NSG2: variants seen among roughly 807,000 people sequenced by gnomAD.
NSG2 encodes the protein neuronal vesicle trafficking associated 2.
A neutral mutation model predicts 16.9 loss-of-function variants in NSG2; 4 were observed. The observed-to-expected ratio is 0.24, with a 90% CI of 0.12 to 0.54. The LOEUF (loss-of-function observed/expected upper bound fraction) is 0.54, where lower values mean the gene tolerates loss of function less well. Ranked by LOEUF, NSG2 falls within the 20% of genes least tolerant of loss-of-function variation. NSG2 has a pLI of 0.95. For synonymous variants in NSG2, 98 were observed against 88.7 expected (o/e 1.11, Z -0.59); for missense variants, 179 against 221.1 (o/e 0.81, Z 1.21).
chr5:174,062,898 C>T (rs775285360), intron 2 of NSG2, among the ~76,000 whole-genome samples: 14 of 152,196 alleles, frequency 9.2e-5, no homozygotes, highest in Admixed American at 6.5e-5. Context: ...GGTTGGTGGG[C>T]GTTTTCAGTG....
At chr5:174,096,739 T>C (rs1351886738) in intron 3 of NSG2, among the ~76,000 whole-genome samples, 1 of 151,772 alleles carries the variant, frequency 6.6e-6, no homozygotes, top group Non-Finnish European at 1.5e-5. Context: ...GGGAGATAAA[T>C]AAGCTGTGTC....
At chr5:174,092,853 T>C in intron 3 of NSG2, among the ~76,000 whole-genome samples, 1 of 152,020 alleles carries the variant, frequency 6.6e-6, no homozygotes, top group East Asian at 1.9e-4. Context: ...CCACAGTGTG[T>C]AAAATGGGAT....
chr5:174,049,749 C>T (rs375760052), intron 2 of NSG2, among the ~76,000 whole-genome samples: 2 of 152,208 alleles, frequency 1.3e-5, no homozygotes, highest in African/African-American at 4.8e-5. Context: ...CCATTCCCCT[C>T]TCTTAGGTCT....
chr5:174,078,387 C>G (rs1044175417), intron 3 of NSG2, among the ~76,000 whole-genome samples: 2 of 152,154 alleles, frequency 1.3e-5, no homozygotes, highest in Admixed American at 1.3e-4. Flanking sequence ...GCTTCTTTCT[C>G]TTAATAATAT....
At chr5:174,070,317 C>A (rs1429737499) in intron 3 of NSG2, among the ~76,000 whole-genome samples, 1 of 151,960 alleles carries the variant, frequency 6.6e-6, no homozygotes, top group African/African-American at 2.4e-5. Flanking sequence ...TTTTATTATC[C>A]CCATTTTACA....
At chr5:174,104,106 C>T in intron 3 of NSG2, 122 bp from the exon 4 acceptor site, 1 of 689,872 alleles carries the variant, frequency 1.4e-6, no homozygotes, top group South Asian at 1.8e-5. Flanking sequence ...GAGCCAGTTC[C>T]TTGGGCCTGT....
In NSG2 at chr5:174,056,380, C is replaced by T. The variant is rs547218648; in HGVS notation, c.130-7852C>T. 2.0e-5 allele frequency: 3 copies of T among 152,310 alleles called. No homozygotes were observed. The South Asian group carries it at 6.2e-4, about 32-fold the overall frequency. 9.4% of individuals were successfully genotyped at this position (152,310 alleles called of 1,614,324 possible). On this transcript the variant is annotated intron_variant, in intron 2 of 4. Transcript: ENST00000303177. Reference sequence around the variant, plus strand: ...CATAGTGGGTACCTTTACAAAAAACCCAAAACCATGATCAATAGGAAAGAG... The same window carrying T: ...CATAGTGGGTACCTTTACAAAAAACTCAAAACCATGATCAATAGGAAAGAG...
intron 3 of NSG2, among the ~76,000 whole-genome samples, chr5:174,090,403 C>T (rs1412783884): frequency 6.6e-6 from 1 of 152,142 alleles, no homozygotes; most frequent in African/African-American, 2.4e-5. Context: ...CCAGGGTTTT[C>T]ACTGGGGGCT....
chr5:174,065,833 G>A (rs2113437112), intron 3 of NSG2, among the ~76,000 whole-genome samples: 1 of 152,324 alleles, frequency 6.6e-6, no homozygotes, highest in Non-Finnish European at 1.5e-5. Context: ...GAGTCACTAA[G>A]CCTCACTTAT....
intron 2 of NSG2, among the ~76,000 whole-genome samples, chr5:174,050,546 T>G (rs1277136327): frequency 6.6e-6 from 1 of 151,862 alleles, no homozygotes; most frequent in Non-Finnish European, 1.5e-5. Flanking sequence ...AGATGAAGAG[T>G]GGAAGGGCTA....
At chr5:174,063,392 A>G (rs545816604) in intron 2 of NSG2, among the ~76,000 whole-genome samples, 3 of 152,322 alleles carry the variant, frequency 2.0e-5, no homozygotes, top group Non-Finnish European at 4.4e-5. Context: ...AAATATTCAG[A>G]CTTTAGAAAA....
intron 3 of NSG2, among the ~76,000 whole-genome samples, chr5:174,093,272 G>T (rs1368683470): frequency 2.6e-5 from 4 of 152,146 alleles, no homozygotes; most frequent in Non-Finnish European, 5.9e-5. Flanking sequence ...TTAACTAAAG[G>T]CATTCCCGGG....
At chr5:174,089,982 A>G (rs1310067149) in intron 3 of NSG2, among the ~76,000 whole-genome samples, 1 of 152,182 alleles carries the variant, frequency 6.6e-6, no homozygotes, top group Non-Finnish European at 1.5e-5. Flanking sequence ...AAAGGGCTGG[A>G]ACCTGGTGCC....
chr5:174,074,246 A>G (rs1341174205), intron 3 of NSG2, among the ~76,000 whole-genome samples: 1 of 152,230 alleles, frequency 6.6e-6, no homozygotes, highest in African/African-American at 2.4e-5. Context: ...AGGCTCCATC[A>G]TAGACCTAGT....
intron 2 of NSG2, among the ~76,000 whole-genome samples, chr5:174,051,111 TC>T (rs1461859680): frequency 1.3e-5 from 2 of 152,122 alleles, no homozygotes; most frequent in Non-Finnish European, 2.9e-5. Context: ...CGATTCTCTC[TC>T]CCTGGGGGGC....
At chr5:174,074,451 C>T (rs564883307) in intron 3 of NSG2, among the ~76,000 whole-genome samples, 17 of 152,224 alleles carry the variant, frequency 1.1e-4, no homozygotes, top group African/African-American at 2.9e-4. Context: ...TCCCAGGTGA[C>T]GCTGCCGTAG....
At chr5:174,067,887 T>C (rs962220481) in intron 3 of NSG2, among the ~76,000 whole-genome samples, 1 of 152,004 alleles carries the variant, frequency 6.6e-6, no homozygotes, top group African/African-American at 2.4e-5. Context: ...CTTGTCTACC[T>C]GCCACTGAGG....
chr5:174,090,684 CTGTG>C (rs1760707530), intron 3 of NSG2, among the ~76,000 whole-genome samples: 1 of 152,120 alleles, frequency 6.6e-6, no homozygotes, highest in Non-Finnish European at 1.5e-5. Context: ...TAAGGTGTGT[CTGTG>C]TGTATTTGTT....
intron 2 of NSG2, among the ~76,000 whole-genome samples, chr5:174,049,267 G>A (rs62395630): frequency 6.6e-6 from 1 of 152,202 alleles, no homozygotes; most frequent in Non-Finnish European, 1.5e-5. Context: ...GTGAACCTGG[G>A]AGGCAGAGCT....
Sources: allele counts gnomAD v4.1 joint callset (sites outside exome capture counted in the v4.1 genomes callset), GRCh38; gene constraint gnomAD v4.1.1; transcripts MANE v1.5; gene names NCBI Gene and HGNC (gene_info 2026-07-23, HGNC 2026-07-21).